Variants in BIRC6 observed in about 807,000 individuals in gnomAD.
The protein encoded by BIRC6 is dual E2 ubiquitin-conjugating enzyme/E3 ubiquitin-protein ligase BIRC6.
BIRC6 carries 98 observed loss-of-function variants against 503.3 expected under a neutral mutation model. That is an observed-to-expected ratio of 0.19 (90% CI 0.17 to 0.23). The LOEUF is 0.23. Ranked by LOEUF, BIRC6 falls within the 10% of genes least tolerant of loss-of-function variation. The probability of loss-of-function intolerance (pLI) is 1.00; values close to 1 mark genes in which losing one functional copy is unlikely to be tolerated. For missense variants in BIRC6, 5,360 were observed against 5,806.0 expected, an observed-to-expected ratio of 0.92 and a Z score of 2.50; for synonymous variants, 2,240 against 2,078.7, an observed-to-expected ratio of 1.08 and a Z score of -2.11.
intron 58 of BIRC6, 82 bp from the exon 59 acceptor site, chr2:32,525,382 T>C: frequency 6.8e-7 from 1 of 1,462,936 alleles, no homozygotes; most frequent in Middle Eastern, 1.8e-4. Flanking sequence ...AATGCATGCC[T>C]TATTAAAATA....
chr2:32,497,590 A>G lies in BIRC6; in HGVS notation c.8469-1957A>G, dbSNP rs187838431. On this transcript the variant is annotated intron_variant, in intron 45 of 73. Transcript: ENST00000421745. ...TTGATTGAGCTTTGGTAATTTTGTG[A>G]AGGAAGTTGTTCCTTTACATTGTTG... Among the ~76,000 whole-genome samples the G allele has an allele frequency of 3.9e-5, 6 of 152,258 alleles. No homozygotes were observed. The East Asian group carries it at 1.2e-3, about 29-fold the overall frequency.
At chr2:32,482,616 A>G (rs375117965) in intron 39 of BIRC6, 34 bp downstream of exon 39, 124 of 1,606,798 alleles carry the variant, frequency 7.7e-5, no homozygotes, top group Non-Finnish European at 1.0e-4. Flanking sequence ...GACATATGCT[A>G]TTCTTAAAAC....
rs1238441402 is a variant in BIRC6, at chr2:32,611,694, T to A, written c.14394+112T>A. The A allele has an allele frequency of 7.2e-6, 8 of 1,104,110 alleles. No homozygotes were observed. In the East Asian group the frequency reaches 2.0e-4, roughly 28 times the overall value. 68.4% of individuals were successfully genotyped at this position (1,104,110 alleles called of 1,614,324 possible). ...GGGAGGGAATTAAAGAAACATAATA[T>A]GTATTTTCAGTTCAGAGGAATAAAT... On this transcript the variant is annotated intron_variant, in intron 73 of 73. Coordinates refer to ENST00000421745, the MANE Select transcript of BIRC6 (RefSeq NM_016252.4).
intron 50 of BIRC6, among the ~76,000 whole-genome samples, chr2:32,506,054 G>A (rs1047865872): frequency 3.9e-5 from 6 of 151,978 alleles, no homozygotes; most frequent in African/African-American, 9.7e-5. Flanking sequence ...TTGTTATGAT[G>A]CCTAGGCTAC....
chr2:32,467,733 C>G lies in BIRC6; in HGVS notation c.5565C>G (p.Phe1855Leu). The G allele has an allele frequency of 6.2e-7, 1 of 1,611,952 alleles. No homozygotes were observed. Among genetic ancestry groups the G allele is most frequent in the Non-Finnish European group, 8.5e-7 (1 of 1,178,814 alleles). ...TAATACCACCTCCCGTGTGCAGATT[C>G]ATGAAGGTAAAGAACTTTAAGAAAG... ...HDLIPPPVCR[F>L]MKITVIGRYG... The change falls in exon 27 of 74, where the codon TTC (phenylalanine) becomes TTG (leucine). Residue 1855 changes from phenylalanine to leucine, a missense_variant. Transcript: ENST00000421745.
At chr2:32,552,868 ATATATT>A (rs1245265224) in intron 65 of BIRC6, among the ~76,000 whole-genome samples, 1 of 150,134 alleles carries the variant, frequency 6.7e-6, no homozygotes, top group Non-Finnish European at 1.5e-5. Context: ...TTATATATTT[ATATATT>A]TATATTTATG....
At chr2:32,426,654 C>G (rs1304569231) in intron 10 of BIRC6, among the ~76,000 whole-genome samples, 2 of 152,194 alleles carry the variant, frequency 1.3e-5, no homozygotes, top group African/African-American at 4.8e-5. Context: ...TTATTTTATA[C>G]AACCATTATC....
intron 23 of BIRC6, among the ~76,000 whole-genome samples, chr2:32,455,789 C>T (rs560024593): frequency 5.9e-5 from 9 of 152,302 alleles, no homozygotes; most frequent in Admixed American, 1.3e-4. Context: ...AGCAATGGAA[C>T]GAGTTTCTTG....
At chr2:32,358,990 A>G (rs922414600) in intron 1 of BIRC6, among the ~76,000 whole-genome samples, 1 of 152,222 alleles carries the variant, frequency 6.6e-6, no homozygotes, top group Non-Finnish European at 1.5e-5. Context: ...TATTTCAAGT[A>G]TGAAAAGGTA....
chr2:32,437,410 G>A (rs928310046), intron 15 of BIRC6, among the ~76,000 whole-genome samples: 16 of 152,100 alleles, frequency 1.1e-4, no homozygotes, highest in Admixed American at 3.3e-4. Context: ...ATTTGGGGTG[G>A]GGTGGGATGT....
At chr2:32,574,608 C>T (rs954351795) in intron 65 of BIRC6, 3 of 158,442 alleles carry the variant, frequency 1.9e-5, no homozygotes, top group African/African-American at 7.2e-5. Context: ...AGTGGATCAT[C>T]ATAAAAGTCT....
intron 15 of BIRC6, among the ~76,000 whole-genome samples, chr2:32,437,179 C>T (rs141842448): frequency 1.2e-3 from 182 of 152,184 alleles, no homozygotes; most frequent in African/African-American, 3.9e-3. Context: ...CGTAAGCCAC[C>T]GCTCCAGGCC....
intron 1 of BIRC6, among the ~76,000 whole-genome samples, chr2:32,374,534 G>A (rs1018512394): frequency 4.7e-5 from 7 of 150,348 alleles, no homozygotes; most frequent in Admixed American, 2.0e-4. Flanking sequence ...GTGCAGTGGC[G>A]TGATCTTGGC....
Position 32,501,992 on chromosome 2 carries a change from G to T in BIRC6, c.9207+104G>T. The T allele has an allele frequency of 3.4e-6, 4 of 1,164,430 alleles. No homozygotes were observed. The South Asian group carries it at 6.8e-5, about 20-fold the overall frequency. 72.1% of individuals were successfully genotyped at this position (1,164,430 alleles called of 1,614,324 possible). ...AAATAAGTATATTTATTATATATCGGACAATGAAAAGCATCAGTACAAGAG... is the reference window on the plus strand; with the variant it reads ...AAATAAGTATATTTATTATATATCGTACAATGAAAAGCATCAGTACAAGAG... On this transcript the variant is annotated intron_variant, in intron 47 of 73. Coordinates refer to ENST00000421745, the MANE Select transcript of BIRC6 (RefSeq NM_016252.4).
intron 8 of BIRC6, among the ~76,000 whole-genome samples, chr2:32,401,973 C>T (rs977547603): frequency 1.1e-4 from 17 of 152,094 alleles, no homozygotes; most frequent in Admixed American, 7.2e-4. Context: ...ATAGAGCATT[C>T]GAACTAGATG....
At chr2:32,530,357 C>T (rs1293882249) in intron 60 of BIRC6, among the ~76,000 whole-genome samples, 2 of 151,990 alleles carry the variant, frequency 1.3e-5, no homozygotes, top group Non-Finnish European at 2.9e-5. Flanking sequence ...ATTACTGGCA[C>T]CCACCACCAT....
intron 33 of BIRC6, among the ~76,000 whole-genome samples, chr2:32,475,575 A>G (rs1281097080): frequency 1.3e-5 from 2 of 152,244 alleles, no homozygotes; most frequent in African/African-American, 2.4e-5. Context: ...GTACACAGAC[A>G]AACACAAATG....
intron 66 of BIRC6, among the ~76,000 whole-genome samples, chr2:32,592,477 A>G (rs1461665072): frequency 3.3e-5 from 5 of 152,142 alleles, no homozygotes; most frequent in Admixed American, 6.5e-5. Flanking sequence ...GTGGCTTCTG[A>G]GTTTACTGTT....
intron 73 of BIRC6, among the ~76,000 whole-genome samples, chr2:32,613,245 C>G (rs1294561805): frequency 6.6e-6 from 1 of 151,966 alleles, no homozygotes; most frequent in African/African-American, 2.4e-5. Context: ...GCCACTCAGG[C>G]ATGATCTTGG....
Sources: allele counts gnomAD v4.1 joint callset (sites outside exome capture counted in the v4.1 genomes callset), GRCh38; gene constraint gnomAD v4.1.1; transcripts MANE v1.5; gene names NCBI Gene and HGNC (gene_info 2026-07-23, HGNC 2026-07-21).